Variants in CLK3 observed in about 807,000 individuals in gnomAD.
The protein encoded by CLK3 is CDC like kinase 3.
A neutral mutation model predicts 65.2 loss-of-function variants in CLK3; 24 were observed. The observed-to-expected ratio is 0.37, with a 90% CI of 0.27 to 0.52. The LOEUF is 0.52. Among genes scored for constraint, CLK3 ranks in the 20% least tolerant of loss-of-function variants. The pLI is 0.92. For synonymous variants in CLK3, 252 were observed against 240.8 expected, an observed-to-expected ratio of 1.05 and a Z score of -0.43; for missense variants, 506 against 660.0, an observed-to-expected ratio of 0.77 and a Z score of 2.56.
chr15:74,619,980 G>T, intron 2 of CLK3, 29 bp from the exon 3 acceptor site: 1 of 1,613,526 alleles, frequency 6.2e-7, no homozygotes. Context: ...GGACCCAGCT[G>T]ACCAGCGTCC....
At chr15:74,618,570 G>A (rs1421731067) in intron 1 of CLK3, among the ~76,000 whole-genome samples, 1 of 152,208 alleles carries the variant, frequency 6.6e-6, no homozygotes, top group Non-Finnish European at 1.5e-5. Flanking sequence ...TTGACCCTCA[G>A]GAGGGCTATG....
Position 74,622,610 on chromosome 15 carries a change from A to G in CLK3, c.533+50A>G. 6.7e-7 allele frequency: 1 copy of G among 1,483,276 alleles called. No individual in the cohort carries two copies. The highest frequency in any genetic ancestry group is 9.2e-7 in the Non-Finnish European group (1 of 1,083,382). The allele number at this position is 1,483,276 out of a possible 1,614,324, so 91.9% of individuals were successfully genotyped here. A position where few individuals can be genotyped will look rare whatever the true frequency, so the allele number is the denominator to read the frequency against. On this transcript the variant is annotated intron_variant, in intron 5 of 12. Transcript: ENST00000395066. The surrounding 1 kb of genome is among the most constrained non-coding windows in gnomAD (Gnocchi z 4.6). ...TGGCTCCGGATGTGATCTTCCTGGG[A>G]AGAGCTGGCCTGAGGTTCTTGAGGG...
At chr15:74,626,842 T>TA (rs2062146494) in intron 7 of CLK3, 7 of 386,538 alleles carry the variant, frequency 1.8e-5, no homozygotes, top group Admixed American at 1.8e-4. Context: ...TGCTTATGAC[T>TA]AGCAATGAGA....
Position 74,624,974 on chromosome 15 carries a change from C to T in CLK3, c.606C>T (p.Ile202=). 6 of 1,613,678 alleles carry T rather than the reference C, an allele frequency of 3.7e-6. No individual in the cohort carries two copies. The highest frequency in any genetic ancestry group is 5.1e-6 in the Non-Finnish European group (6 of 1,179,840). ...GKYREAARLE[I]NVLKKIKEKD... ...ACCGGGAGGCTGCCCGGCTAGAAAT[C>T]AACGTGCTCAAAAAAATCAAGGAGA... The change falls in exon 6 of 13, where the codon ATC becomes ATT. Residue 202 remains isoleucine, a synonymous_variant. Transcript: ENST00000395066. The surrounding 1 kb of genome is among the most constrained non-coding windows in gnomAD (Gnocchi z 4.2).
chr15:74,615,949 G>C, intron 1 of CLK3, 51 bp downstream of exon 1: 2 of 1,214,728 alleles, frequency 1.6e-6, no homozygotes, highest in Non-Finnish European at 2.1e-6. Flanking sequence ...GGCGGCCGGG[G>C]GTGAGTCGGC....
chr15:74,626,893 T>C (rs1025870919), intron 7 of CLK3: 2 of 435,158 alleles, frequency 4.6e-6, no homozygotes, highest in Non-Finnish European at 9.2e-6. Context: ...GTGCACTCAG[T>C]CGCACAGGAC....
At position 74,619,193 on chromosome 15, in the gene CLK3, C is replaced by G; in HGVS notation, c.1-4C>G. On this transcript the variant is annotated splice_polypyrimidine_tract_variant and splice_region_variant and intron_variant, in intron 1 of 12. Transcript: ENST00000395066. ...AGCAGGGCTCTCTGTTCCTCGTGGC[C>G]TAGATGCATCACTGTAAGCGATACC... 2.5e-6 allele frequency: 4 copies of G among 1,613,900 alleles called. No individual in the cohort carries two copies. The highest frequency in any genetic ancestry group is 3.4e-6 in the Non-Finnish European group (4 of 1,179,864).
Position 74,620,667 on chromosome 15 carries a change from C to T in CLK3, c.369+442C>T, listed in dbSNP as rs564186235. The T allele has an allele frequency of 1.5e-4, 27 of 179,612 alleles. No homozygotes were observed. In the South Asian group the frequency reaches 3.5e-3, roughly 23 times the overall value. 11.1% of individuals were successfully genotyped at this position (179,612 alleles called of 1,614,324 possible). A position where few individuals can be genotyped will look rare whatever the true frequency, so the allele number is the denominator to read the frequency against. On this transcript the variant is annotated intron_variant, in intron 3 of 12. Coordinates refer to ENST00000395066, the MANE Select transcript of CLK3 (RefSeq NM_001130028.2). ...GCTCTGATGTGGACTGCACCCACCT[C>T]TGCGTCTCATCTGCACACCCCTTCC... is the stretch of plus-strand genomic sequence containing the variant.
At position 74,624,892 on chromosome 15, in the gene CLK3, C is replaced by T. The variant is rs1246091439; in HGVS notation, c.534-10C>T. 8 of 1,589,570 alleles carry T rather than the reference C, an allele frequency of 5.0e-6. No individual in the cohort carries two copies. The highest frequency in any genetic ancestry group is 2.3e-5 in the South Asian group (2 of 88,354). ...CTGATGAGAACCTCTGTTTCCTTCC[C>T]GGGTACCAGAGGGAAGTCTCAGGTT... On this transcript the variant is annotated splice_polypyrimidine_tract_variant and intron_variant, in intron 5 of 12. Transcript: ENST00000395066. This position sits in a 1 kb window ranked among gnomAD's most constrained non-coding sequence, Gnocchi z 4.2.
chr15:74,615,785 A>G, upstream of CLK3: 8 of 1,243,086 alleles, frequency 6.4e-6, no homozygotes, highest in Non-Finnish European at 8.1e-6. Flanking sequence ...GAGGCTGGCG[A>G]CGGCTGCGTC....
chr15:74,629,238 T>C (rs761592797), intron 12 of CLK3: 8 of 666,648 alleles, frequency 1.2e-5, no homozygotes, highest in South Asian at 6.2e-5. Flanking sequence ...CCCTTCCCCA[T>C]AGGGTGGCTA....
chr15:74,614,309 GGC>G (rs1274550853), upstream of CLK3, among the ~76,000 whole-genome samples: 2 of 152,112 alleles, frequency 1.3e-5, no homozygotes, highest in African/African-American at 4.8e-5. Context: ...CACCGCGCTT[GGC>G]CGATTTTTTG....
Position 74,621,710 on chromosome 15 carries a change from C to A in CLK3, c.370-410C>A. 2.9e-6 allele frequency: 1 copy of A among 343,318 alleles called. No homozygotes were observed. The highest frequency in any genetic ancestry group is 5.8e-6 in the Non-Finnish European group (1 of 173,436). 21.3% of individuals were successfully genotyped at this position (343,318 alleles called of 1,614,324 possible). A position where few individuals can be genotyped will look rare whatever the true frequency, so the allele number is the denominator to read the frequency against. On this transcript the variant is annotated intron_variant, in intron 3 of 12. Transcript: ENST00000395066. This position sits in a 1 kb window ranked among gnomAD's most constrained non-coding sequence, Gnocchi z 4.8. The stretch of plus-strand genomic sequence containing the variant: ...TCTCACTGCATCTTCCGCTCTGGCC[C>A]AAAGCCACATGGGAGGGTCTGGGAG...
chr15:74,616,568 T>G (rs2141535968), intron 1 of CLK3, among the ~76,000 whole-genome samples: 1 of 152,346 alleles, frequency 6.6e-6, no homozygotes, highest in South Asian at 2.1e-4. Context: ...TGCCCTGATG[T>G]GGAGCTGGGG....
At position 74,627,529 on chromosome 15, in the gene CLK3, T is replaced by C; in HGVS notation, c.913-10T>C. 2 of 1,614,240 alleles carry C rather than the reference T, an allele frequency of 1.2e-6. No individual in the cohort carries two copies. On this transcript the variant is annotated splice_polypyrimidine_tract_variant and intron_variant, in intron 8 of 12. Coordinates refer to ENST00000395066, the MANE Select transcript of CLK3 (RefSeq NM_001130028.2). This position sits in a 1 kb window ranked among gnomAD's most constrained non-coding sequence, Gnocchi z 4.3. Reference sequence around the variant, plus strand: ...GACTCCTGACCTGGCAGGCCTGCCTTGCCTTTCAGAGCTGTGAGGAGAAGT... The same window carrying C: ...GACTCCTGACCTGGCAGGCCTGCCTCGCCTTTCAGAGCTGTGAGGAGAAGT...
chr15:74,628,957 C>T lies in CLK3; in HGVS notation c.1221C>T (p.Phe407=). 1 of 1,613,224 alleles carries T rather than the reference C, an allele frequency of 6.2e-7. No individual in the cohort carries two copies. The highest frequency in any genetic ancestry group is 8.5e-7 in the Non-Finnish European group (1 of 1,179,214). The part of the protein sequence containing the change: ...MIHRTRKQKY[F]YKGGLVWDEN... ...TAATTTTCAGGAAGCAGAAATATTT[C>T]TACAAAGGGGGCCTAGTTTGGGATG... is the stretch of plus-strand genomic sequence containing the variant. Residue 407 remains phenylalanine, a synonymous_variant, in exon 12 of 13, where the codon TTC becomes TTT. Transcript: ENST00000395066.
Position 74,628,070 on chromosome 15 carries a change from T to C in CLK3, c.1125+18T>C, listed in dbSNP as rs779907651. On this transcript the variant is annotated intron_variant, in intron 10 of 12. Coordinates refer to ENST00000395066, the MANE Select transcript of CLK3 (RefSeq NM_001130028.2). ...TCTTCCAGGTACAGCCACCCTGCAT[T>C]GGTCCCCTACCCTGAGTACTGCTAC... is the stretch of plus-strand genomic sequence containing the variant. 3.8e-6 allele frequency: 6 copies of C among 1,565,664 alleles called. No homozygotes were observed. Among genetic ancestry groups the C allele is most frequent in the South Asian group, 1.1e-5 (1 of 90,088 alleles).
intron 3 of CLK3, chr15:74,620,762 C>CT (rs2062095535): frequency 6.5e-6 from 1 of 153,884 alleles, no homozygotes; most frequent in African/African-American, 2.4e-5. Flanking sequence ...AGACTGGGAA[C>CT]TTCCCTTCTG....
At chr15:74,628,844 G>C in intron 11 of CLK3, 98 bp from the exon 12 acceptor site, 1 of 1,041,160 alleles carries the variant, frequency 9.6e-7, no homozygotes, top group Non-Finnish European at 1.5e-6. Context: ...CTGTTGCCCT[G>C]GTTCTGCTGC....
Sources: allele counts gnomAD v4.1 joint callset (sites outside exome capture counted in the v4.1 genomes callset), GRCh38; gene constraint gnomAD v4.1.1; non-coding constraint Gnocchi (gnomAD v3.1); transcripts MANE v1.5; gene names NCBI Gene and HGNC (gene_info 2026-07-23, HGNC 2026-07-21).